The following GRXCR2 variants were observed in gnomAD, a reference collection of about 807,000 sequenced individuals.
GRXCR2 encodes glutaredoxin domain-containing cysteine-rich protein 2.
GRXCR2 carries 23 observed loss-of-function variants against 24.8 expected under a neutral mutation model. The observed-to-expected ratio is 0.93, with a 90% CI of 0.67 to 1.32. The LOEUF (loss-of-function observed/expected upper bound fraction) is 1.32, where lower values mean the gene tolerates loss of function less well. GRXCR2 is among the 40% of genes most tolerant of loss of function. The pLI is 0.00. For missense variants in GRXCR2, 315 were observed against 303.4 expected (o/e 1.04, Z -0.28); for synonymous variants, 130 against 116.1 (o/e 1.12, Z -0.77).
At chr5:145,930,974 G>T (rs1757469337) in intron 2 of GRXCR2, among the ~76,000 whole-genome samples, 1 of 152,124 alleles carries the variant, frequency 6.6e-6, no homozygotes, top group Non-Finnish European at 1.5e-5. Context: ...CTAGCAACTG[G>T]CAGAGCTGAG....
At chr5:145,913,215 G>A (rs1049389020) in intron 2 of GRXCR2, among the ~76,000 whole-genome samples, 1 of 152,152 alleles carries the variant, frequency 6.6e-6, no homozygotes, top group Non-Finnish European at 1.5e-5. Context: ...GACTTCACCT[G>A]TTTTTCTACT....
upstream of GRXCR2, among the ~76,000 whole-genome samples, chr5:145,877,994 C>T (rs901466896): frequency 6.6e-6 from 1 of 151,822 alleles, no homozygotes; most frequent in African/African-American, 2.4e-5. Flanking sequence ...AAAGAAATAG[C>T]ACCAACATCA....
At chr5:145,928,246 G>C (rs1320330540) in intron 2 of GRXCR2, among the ~76,000 whole-genome samples, 1 of 152,012 alleles carries the variant, frequency 6.6e-6, no homozygotes, top group South Asian at 2.1e-4. Context: ...TAAAAAGTCA[G>C]GAAACAACAG....
chr5:145,916,231 G>A (rs1581354211), intron 2 of GRXCR2, among the ~76,000 whole-genome samples: 1 of 152,118 alleles, frequency 6.6e-6, no homozygotes, highest in Non-Finnish European at 1.5e-5. Flanking sequence ...CTGTCATCGT[G>A]GATGAGCAAT....
chr5:145,904,330 C>T (rs906732951), intron 2 of GRXCR2, among the ~76,000 whole-genome samples: 1 of 152,202 alleles, frequency 6.6e-6, no homozygotes, highest in Non-Finnish European at 1.5e-5. Flanking sequence ...CACAGTAACC[C>T]GGATCTGGCC....
At chr5:145,874,438 G>A (rs760351486), upstream of GRXCR2, among the ~76,000 whole-genome samples, 8 of 152,154 alleles carry the variant, frequency 5.3e-5, no homozygotes, top group East Asian at 5.8e-4. Flanking sequence ...TCTTGACCTC[G>A]TGATCCGCCT....
chr5:145,897,055 G>A (rs1756960995), intron 2 of GRXCR2, among the ~76,000 whole-genome samples: 1 of 147,174 alleles, frequency 6.8e-6, no homozygotes. Flanking sequence ...AACACCACAT[G>A]TTCTCACTCA....
intron 2 of GRXCR2, among the ~76,000 whole-genome samples, chr5:145,895,101 C>G (rs934257801): frequency 6.6e-6 from 1 of 152,062 alleles, no homozygotes; most frequent in Non-Finnish European, 1.5e-5. Flanking sequence ...ATGCTAAAAA[C>G]TCTCAATAAA....
At chr5:145,879,573 A>G (rs1219067763) in intron 2 of GRXCR2, among the ~76,000 whole-genome samples, 2 of 152,230 alleles carry the variant, frequency 1.3e-5, no homozygotes, top group African/African-American at 4.8e-5. Flanking sequence ...AGACGGACAA[A>G]GAGACTTAGA....
chr5:145,890,645 A>G (rs1756849747), intron 2 of GRXCR2, among the ~76,000 whole-genome samples: 1 of 152,220 alleles, frequency 6.6e-6, no homozygotes, highest in Non-Finnish European at 1.5e-5. Flanking sequence ...AAGCAAAAGA[A>G]TGATACCTGT....
chr5:145,889,199 A>AGAAAGAAAGAAG, intron 2 of GRXCR2, among the ~76,000 whole-genome samples: 1 of 148,812 alleles, frequency 6.7e-6, no homozygotes, highest in Non-Finnish European at 1.5e-5. Flanking sequence ...AAAGAAAGAA[A>AGAAAGAAAGAAG]GAAAGAAAGA....
At chr5:145,883,594 T>A (rs1756735594) in intron 2 of GRXCR2, among the ~76,000 whole-genome samples, 1 of 152,170 alleles carries the variant, frequency 6.6e-6, no homozygotes, top group African/African-American at 2.4e-5. Flanking sequence ...CAATGGGTTA[T>A]TGAAAGTAGA....
chr5:145,872,517 G>T, intron 1 of GRXCR2, 116 bp downstream of exon 1: 1 of 763,108 alleles, frequency 1.3e-6, no homozygotes, highest in Non-Finnish European at 2.1e-6. Context: ...TGCACCAACA[G>T]TTCTGGTTGG....
chr5:145,888,624 T>C (rs1375692347), intron 2 of GRXCR2, among the ~76,000 whole-genome samples: 4 of 152,216 alleles, frequency 2.6e-5, no homozygotes, highest in Non-Finnish European at 2.9e-5. Context: ...CAGTGTTTTG[T>C]ATAAATTCAA....
upstream of GRXCR2, among the ~76,000 whole-genome samples, chr5:145,875,779 C>T (rs968098740): frequency 4.6e-5 from 7 of 152,164 alleles, no homozygotes; most frequent in Non-Finnish European, 8.8e-5. Flanking sequence ...ATCAATGAAT[C>T]ACAGGAGACT....
At chr5:145,891,914 G>A (rs190242614) in intron 2 of GRXCR2, among the ~76,000 whole-genome samples, 1,587 of 152,176 alleles carry the variant, frequency 0.01, 33 homozygotes, top group African/African-American at 0.035. Flanking sequence ...TCACACGGCC[G>A]GGTACTCCTC....
chr5:145,886,184 G>A (rs1444735881), intron 2 of GRXCR2, among the ~76,000 whole-genome samples: 1 of 152,212 alleles, frequency 6.6e-6, no homozygotes, highest in Non-Finnish European at 1.5e-5. Context: ...GTGTCACTTA[G>A]CTACCTATGG....
intron 2 of GRXCR2, among the ~76,000 whole-genome samples, chr5:145,893,408 C>G (rs528684928): frequency 1.3e-5 from 2 of 152,066 alleles, no homozygotes; most frequent in Admixed American, 6.6e-5. Context: ...CAGAGACACA[C>G]ATAGGCTCAA....
upstream of GRXCR2, among the ~76,000 whole-genome samples, chr5:145,874,680 C>CT (rs1222329125): frequency 6.6e-6 from 1 of 152,186 alleles, no homozygotes; most frequent in African/African-American, 2.4e-5. Flanking sequence ...ACAACAAATC[C>CT]ACAGGTGTCA....
Sources: allele counts gnomAD v4.1 joint callset (sites outside exome capture counted in the v4.1 genomes callset), GRCh38; gene constraint gnomAD v4.1.1; transcripts MANE v1.5; gene names NCBI Gene and HGNC (gene_info 2026-07-23, HGNC 2026-07-21).